Variants in CNTN4 observed in about 807,000 individuals in gnomAD.
The protein encoded by CNTN4 is contactin-4.
Under a neutral mutation model 122.5 loss-of-function variants are expected in CNTN4, and 77 were observed. The observed-to-expected ratio is 0.63, with a 90% confidence interval of 0.52 to 0.76. The LOEUF is 0.76. Among genes scored for constraint, CNTN4 ranks in the 30% least tolerant of loss-of-function variants. The probability of loss-of-function intolerance (pLI) is 0.00; values close to 1 mark genes in which losing one functional copy is unlikely to be tolerated. For missense variants in CNTN4, 1,256 were observed against 1,259.1 expected (o/e 1.00, Z 0.04); for synonymous variants, 512 against 447.0 (o/e 1.15, Z -1.83).
intron 13 of CNTN4, among the ~76,000 whole-genome samples, chr3:2,961,513 A>G (rs914812252): frequency 2.6e-5 from 4 of 152,108 alleles, no homozygotes; most frequent in African/African-American, 9.7e-5. Context: ...TCCTTATAGC[A>G]AATGACAACC....
chr3:2,115,701 C>T (rs1425885656), intron 2 of CNTN4, among the ~76,000 whole-genome samples: 2 of 152,202 alleles, frequency 1.3e-5, no homozygotes, highest in Non-Finnish European at 2.9e-5. Context: ...TGGTGTATAG[C>T]TTTATTCAAA....
intron 13 of CNTN4, among the ~76,000 whole-genome samples, chr3:2,958,394 A>G (rs2094821587): frequency 6.6e-6 from 1 of 152,188 alleles, no homozygotes; most frequent in South Asian, 2.1e-4. Context: ...AGGCCTAGAT[A>G]TTGGACCATG....
intron 11 of CNTN4, 41 bp downstream of exon 11, chr3:2,900,862 A>G: frequency 6.2e-7 from 1 of 1,611,190 alleles, no homozygotes; most frequent in Non-Finnish European, 8.5e-7. Context: ...TCTTGACTAT[A>G]ACGTTTAATA....
At chr3:2,935,249 C>T (rs1318751533) in intron 13 of CNTN4, among the ~76,000 whole-genome samples, 1 of 152,136 alleles carries the variant, frequency 6.6e-6, no homozygotes, top group African/African-American at 2.4e-5. Flanking sequence ...AGAAGACATA[C>T]ATGTGGTTAT....
At chr3:2,626,995 C>G (rs1158201086) in intron 4 of CNTN4, among the ~76,000 whole-genome samples, 2 of 152,144 alleles carry the variant, frequency 1.3e-5, no homozygotes, top group African/African-American at 4.8e-5. Context: ...CCCTTGGTTC[C>G]CACTCCCCAC....
intron 3 of CNTN4, among the ~76,000 whole-genome samples, chr3:2,500,952 A>G (rs892618545): frequency 8.5e-5 from 13 of 152,080 alleles, no homozygotes; most frequent in African/African-American, 2.7e-4. Flanking sequence ...CGCACAATGT[A>G]TAGATTGTTA....
intron 4 of CNTN4, among the ~76,000 whole-genome samples, chr3:2,585,215 A>T (rs1262659821): frequency 6.6e-6 from 1 of 152,142 alleles, no homozygotes; most frequent in Non-Finnish European, 1.5e-5. Context: ...ATGTGGAGAA[A>T]TAGAAACACT....
intron 2 of CNTN4, chr3:2,238,731 C>T (rs1264215090): frequency 2.7e-5 from 2 of 73,236 alleles, no homozygotes; most frequent in South Asian, 6.0e-4. Flanking sequence ...TCAGTTGGCT[C>T]TGTGTTTTTT....
chr3:2,151,688 A>G (rs2035500952), intron 2 of CNTN4, among the ~76,000 whole-genome samples: 1 of 152,174 alleles, frequency 6.6e-6, no homozygotes, highest in African/African-American at 2.4e-5. Context: ...TCATGGATTA[A>G]TGGATTAATG....
chr3:2,242,706 G>C (rs575177499), intron 2 of CNTN4, among the ~76,000 whole-genome samples: 3 of 152,056 alleles, frequency 2.0e-5, no homozygotes, highest in Non-Finnish European at 4.4e-5. Context: ...AGATGGATCT[G>C]GACATTTCAC....
intron 2 of CNTN4, among the ~76,000 whole-genome samples, chr3:2,252,867 C>A (rs1317021361): frequency 6.6e-6 from 1 of 152,030 alleles, no homozygotes; most frequent in African/African-American, 2.4e-5. Flanking sequence ...TTGTTTAATA[C>A]TTCTTTGCTT....
chr3:2,981,912 G>T (rs1445010628), intron 13 of CNTN4, among the ~76,000 whole-genome samples: 1 of 151,838 alleles, frequency 6.6e-6, no homozygotes, highest in East Asian at 2.0e-4. Flanking sequence ...TAGACGTGGG[G>T]GTACATGCCT....
At chr3:2,944,154 G>GT (rs2094648296) in intron 13 of CNTN4, among the ~76,000 whole-genome samples, 17 of 150,492 alleles carry the variant, frequency 1.1e-4, no homozygotes, top group South Asian at 2.1e-4. Context: ...ATTTTTGGGG[G>GT]GTTTTTTTTT....
At chr3:3,032,908 T>A (rs1699296175) in intron 16 of CNTN4, among the ~76,000 whole-genome samples, 1 of 152,172 alleles carries the variant, frequency 6.6e-6, no homozygotes, top group Non-Finnish European at 1.5e-5. Flanking sequence ...AGGTCGTAGC[T>A]ATGCATCGGT....
intron 4 of CNTN4, among the ~76,000 whole-genome samples, chr3:2,734,706 G>C (rs2088956508): frequency 6.7e-6 from 1 of 149,784 alleles, no homozygotes; most frequent in African/African-American, 2.5e-5. Context: ...ACCTTACCAG[G>C]CTTCACCTAG....
chr3:2,977,065 T>G (rs1261932238), intron 13 of CNTN4, among the ~76,000 whole-genome samples: 1 of 152,240 alleles, frequency 6.6e-6, no homozygotes, highest in Non-Finnish European at 1.5e-5. Context: ...ATAGGTTGAA[T>G]ATATGAATCT....
intron 4 of CNTN4, among the ~76,000 whole-genome samples, chr3:2,604,995 G>C (rs1035114120): frequency 5.3e-5 from 8 of 152,170 alleles, no homozygotes; most frequent in East Asian, 1.9e-4. Flanking sequence ...TTGCATAACT[G>C]TTCTGCTAGG....
chr3:2,856,115 C>G lies in CNTN4; in HGVS notation c.455-10637C>G, dbSNP rs74582706. On this transcript the variant is annotated intron_variant, in intron 7 of 24. Transcript: ENST00000418658. ...AGGAAACTTCTGGCATTTGGAATTC[C>G]ACTTCGATTCAACTAATGCTTAGTA... Among the ~76,000 whole-genome samples the G allele has an allele frequency of 6.4e-3, 981 of 152,214 alleles. 11 individuals carry two copies. The highest frequency in any genetic ancestry group is 0.023 in the African/African-American group (950 of 41,518).
At chr3:2,698,571 G>C (rs1166258973) in intron 4 of CNTN4, among the ~76,000 whole-genome samples, 1 of 152,178 alleles carries the variant, frequency 6.6e-6, no homozygotes. Context: ...AGTGTTCTTT[G>C]CCAGTCAGAT....
Sources: gnomAD v4.1 joint callset for allele counts (sites outside exome capture counted in the v4.1 genomes callset) on GRCh38, gnomAD v4.1.1 for gene constraint, MANE v1.5 for transcripts, NCBI Gene and HGNC (gene_info 2026-07-23, HGNC 2026-07-21) for gene names.